Variants in MCRIP2 observed in about 807,000 individuals in gnomAD.
MCRIP2 encodes MAPK regulated corepressor interacting protein 2.
Under a neutral mutation model 23.2 loss-of-function variants are expected in MCRIP2, and 21 were observed. That is an observed-to-expected ratio of 0.90 (90% CI 0.64 to 1.30). The LOEUF (loss-of-function observed/expected upper bound fraction) is 1.30. Ranked by LOEUF, MCRIP2 falls within the 50% of genes most tolerant of loss-of-function variation. The probability of loss-of-function intolerance (pLI) is 0.00; values close to 1 mark genes in which losing one functional copy is unlikely to be tolerated. For missense variants in MCRIP2, 234 were observed against 223.2 expected (o/e 1.05, Z -0.31); for synonymous variants, 121 against 100.2 (o/e 1.21, Z -1.24).
At chr16:642,426 C>T (rs904931835) in intron 2 of MCRIP2, 177 bp downstream of exon 2, 2 of 474,228 alleles carry the variant, frequency 4.2e-6, no homozygotes, top group Non-Finnish European at 6.0e-6. Context: ...GCCCGCGGGC[C>T]TGCGCCTCGC....
rs1596452532 is a variant in MCRIP2 at position 646,601 on chromosome 16, G to A, written c.183-816G>A. The A allele has an allele frequency of 6.6e-6, 1 of 152,176 alleles. No homozygotes were observed. Among genetic ancestry groups the A allele is most frequent in the African/African-American group, 2.4e-5 (1 of 41,434 alleles). 9.4% of individuals were successfully genotyped at this position (152,176 alleles called of 1,614,324 possible). On this transcript the variant is annotated intron_variant, in intron 2 of 4. Transcript: ENST00000307650. This position sits in a 1 kb window ranked among gnomAD's most constrained non-coding sequence, Gnocchi z 6.5. ...CCCAGGACTCCCGGCTCCCACCTCC[G>A]GCTGTAGGTGCGGCCCCATTCCCTC...
At chr16:644,555 CACCTCTCG>C (rs1433910678) in intron 2 of MCRIP2, among the ~76,000 whole-genome samples, 1 of 152,086 alleles carries the variant, frequency 6.6e-6, no homozygotes, top group Non-Finnish European at 1.5e-5. Context: ...GTGATCCTCC[CACCTCTCG>C]ACTTCCTGAG....
rs951043812 is a variant in MCRIP2 at position 648,453 on chromosome 16, C to G, written c.*263C>G. 6 of 541,188 alleles carry G rather than the reference C, an allele frequency of 1.1e-5. No homozygotes were observed. The South Asian group carries it at 1.3e-4, about 12-fold the overall frequency. The allele number at this position is 541,188 out of a possible 1,614,324, so 33.5% of individuals were successfully genotyped here. A position where few individuals can be genotyped will look rare whatever the true frequency, so the allele number is the denominator to read the frequency against. On this transcript the variant is annotated 3_prime_UTR_variant, in exon 5 of 5. Transcript: ENST00000307650. Reference sequence around the variant, plus strand: ...GGGGCTGGCAGGGAGGAGCTCCAGGCTAATAAAGTGGAGAAACTGTCTTTT... The same window carrying G: ...GGGGCTGGCAGGGAGGAGCTCCAGGGTAATAAAGTGGAGAAACTGTCTTTT...
Position 647,437 on chromosome 16 carries a change from TC to T in MCRIP2, c.204del (p.Phe68LeufsTer4). 6.2e-7 allele frequency: 1 copy of T among 1,613,342 alleles called. No homozygotes were observed. Among genetic ancestry groups the T allele is most frequent in the Non-Finnish European group, 8.5e-7 (1 of 1,179,954 alleles). ...TGCAGTCCAGGGCCAAGGCTTGTGT[TC>T]AATCGTGTGAATGGCCGGCGGGCCC... Reference protein sequence around the residue: ...PLSSPGPRLVFNRVNGRRAPS... With the variant: ...PLSSPGPRLVXNRVNGRRAPS... On this transcript the variant is annotated frameshift_variant, in exon 3 of 5. Coordinates refer to ENST00000307650, the MANE Select transcript of MCRIP2 (RefSeq NM_138418.4). LOFTEE classifies it high-confidence loss of function.
Position 648,286 on chromosome 16 carries a change from C to A in MCRIP2, c.*96C>A. On this transcript the variant is annotated 3_prime_UTR_variant, in exon 5 of 5. Coordinates refer to ENST00000307650, the MANE Select transcript of MCRIP2 (RefSeq NM_138418.4). Reference sequence around the variant, plus strand: ...CCACTGCGCCTGGCTGGGTGCCGGCCACACCTGAAGTGCCAGCATTTGGAC... The same window carrying A: ...CCACTGCGCCTGGCTGGGTGCCGGCAACACCTGAAGTGCCAGCATTTGGAC... 1 of 1,241,848 alleles carries A rather than the reference C, an allele frequency of 8.1e-7. No individual in the cohort carries two copies. Among genetic ancestry groups the A allele is most frequent in the Non-Finnish European group, 1.1e-6 (1 of 874,014 alleles). 76.9% of individuals were successfully genotyped at this position (1,241,848 alleles called of 1,614,324 possible).
At position 641,879 on chromosome 16, in the gene MCRIP2, G is replaced by A; in HGVS notation, c.-113G>A. On this transcript the variant is annotated 5_prime_UTR_variant, in exon 1 of 5. Coordinates refer to ENST00000307650, the MANE Select transcript of MCRIP2 (RefSeq NM_138418.4). ...CCGTGCGGGCCCTTTAAGGGCCGGG[G>A]GCGTGTAGCGGGCCCGCCCCCTCCC... The A allele has an allele frequency of 1.0e-6, 1 of 977,910 alleles. No homozygotes were observed. Among genetic ancestry groups the A allele is most frequent in the South Asian group, 4.2e-5 (1 of 23,916 alleles). The allele number at this position is 977,910 out of a possible 1,614,324, so 60.6% of individuals were successfully genotyped here.
At chr16:643,687 G>A (rs2037407282) in intron 2 of MCRIP2, among the ~76,000 whole-genome samples, 1 of 151,720 alleles carries the variant, frequency 6.6e-6, no homozygotes, top group African/African-American at 2.4e-5. Flanking sequence ...TGGGACTACA[G>A]GTGCGTGCCA....
rs926020160 is a variant in MCRIP2 at position 642,203 on chromosome 16, C to T, written c.136C>T (p.Arg46Trp). Residue 46 changes from arginine (R) to tryptophan (W), a missense_variant, in exon 2 of 5, where the codon CGG (arginine) becomes TGG (tryptophan). Arg to Trp is a moderately radical substitution (Grantham distance 101). Transcript: ENST00000307650. ...QPAPPTSQPP[R>W]AQPFAQPPGP... Reference sequence around the variant, plus strand: ...CGCGCCGCCGACCTCGCAGCCCCCGCGGGCGCAGCCCTTTGCGCAGCCGCC... The same window carrying T: ...CGCGCCGCCGACCTCGCAGCCCCCGTGGGCGCAGCCCTTTGCGCAGCCGCC... 8.8e-5 allele frequency: 115 copies of T among 1,312,998 alleles called. 1 individual carries two copies. Among genetic ancestry groups the T allele is most frequent in the Non-Finnish European group, 1.1e-4 (112 of 1,029,238 alleles). 81.3% of individuals were successfully genotyped at this position (1,312,998 alleles called of 1,614,324 possible).
intron 2 of MCRIP2, 153 bp from the exon 3 acceptor site, chr16:647,264 C>T (rs2037506655): frequency 5.7e-6 from 6 of 1,045,468 alleles, no homozygotes; most frequent in Non-Finnish European, 8.2e-6. Context: ...GGGCCACCGG[C>T]TGCTGTGGGT....
At chr16:647,258 C>G in intron 2 of MCRIP2, 159 bp from the exon 3 acceptor site, 1 of 967,260 alleles carries the variant, frequency 1.0e-6, no homozygotes, top group Non-Finnish European at 1.5e-6. Context: ...AGGCCTGGGC[C>G]ACCGGCTGCT....
At chr16:647,065 T>C (rs879272715) in intron 2 of MCRIP2, 6 of 302,276 alleles carry the variant, frequency 2.0e-5, no homozygotes, top group Non-Finnish European at 3.8e-5. Context: ...TCTGGGCTGC[T>C]GATGGGATGC....
Position 642,105 on chromosome 16 carries a change from C to G in MCRIP2, c.53-15C>G. The G allele has an allele frequency of 7.5e-7, 1 of 1,335,726 alleles. No homozygotes were observed. Among genetic ancestry groups the G allele is most frequent in the African/African-American group, 1.5e-5 (1 of 65,040 alleles). 82.7% of individuals were successfully genotyped at this position (1,335,726 alleles called of 1,614,324 possible). ...CGGGGCGCGGCGGCGGCTGACCGCC[C>G]CCCGGTGCCCGCAGGTCCCACGCAG... On this transcript the variant is annotated splice_polypyrimidine_tract_variant and intron_variant, in intron 1 of 4. Transcript: ENST00000307650.
In MCRIP2 at chr16:647,442, C is replaced by T. The variant is rs200129131; in HGVS notation, c.208C>T (p.Arg70Cys). Residue 70 changes from arginine to cysteine, a missense_variant, in exon 3 of 5, where the codon CGT (arginine) becomes TGT (cysteine). Transcript: ENST00000307650. ...SSPGPRLVFN[R>C]VNGRRAPSTS... ...TCCAGGGCCAAGGCTTGTGTTCAAT[C>T]GTGTGAATGGCCGGCGGGCCCCCTC... The T allele has an allele frequency of 2.4e-5, 39 of 1,613,484 alleles. No homozygotes were observed. Among genetic ancestry groups the T allele is most frequent in the East Asian group, 6.7e-5 (3 of 44,870 alleles).
At chr16:647,323 A>T (rs559074645) in intron 2 of MCRIP2, 94 bp from the exon 3 acceptor site, 665 of 1,553,992 alleles carry the variant, frequency 4.3e-4, no homozygotes, top group Non-Finnish European at 5.5e-4. Context: ...AAGTCTGGGG[A>T]AAGTGGGCTG....
chr16:648,308 G>A lies in MCRIP2; in HGVS notation c.*118G>A, dbSNP rs573784049. 9.5e-7 allele frequency: 1 copy of A among 1,057,006 alleles called. No individual in the cohort carries two copies. The highest frequency in any genetic ancestry group is 1.6e-5 in the African/African-American group (1 of 63,444). The allele number at this position is 1,057,006 out of a possible 1,614,324, so 65.5% of individuals were successfully genotyped here. ...GGCCACACCTGAAGTGCCAGCATTTGGACTTTTGCACCTTTTTTTCCCTTG... is the reference window on the plus strand; with the variant it reads ...GGCCACACCTGAAGTGCCAGCATTTAGACTTTTGCACCTTTTTTTCCCTTG... On this transcript the variant is annotated 3_prime_UTR_variant, in exon 5 of 5. Coordinates refer to ENST00000307650, the MANE Select transcript of MCRIP2 (RefSeq NM_138418.4).
chr16:641,949 C>A lies in MCRIP2; in HGVS notation c.-43C>A. 7.7e-7 allele frequency: 1 copy of A among 1,290,546 alleles called. No individual in the cohort carries two copies. Among genetic ancestry groups the A allele is most frequent in the Non-Finnish European group, 9.8e-7 (1 of 1,021,186 alleles). 79.9% of individuals were successfully genotyped at this position (1,290,546 alleles called of 1,614,324 possible). On this transcript the variant is annotated 5_prime_UTR_variant, in exon 1 of 5. Coordinates refer to ENST00000307650, the MANE Select transcript of MCRIP2 (RefSeq NM_138418.4). ...TAAGTGCGAGCCCCGGCGCAGGGGC[C>A]GGATCTGGCCGGGGGCCGGCGGCGG...
intron 4 of MCRIP2, 41 bp downstream of exon 4, chr16:647,925 G>C: frequency 8.5e-7 from 1 of 1,173,342 alleles, no homozygotes; most frequent in Non-Finnish European, 1.2e-6. Context: ...AGACCCCCCA[G>C]CCCCTCTGAT....
intron 2 of MCRIP2, among the ~76,000 whole-genome samples, chr16:643,707 G>A (rs2037407877): frequency 6.6e-6 from 1 of 151,882 alleles, no homozygotes; most frequent in South Asian, 2.1e-4. Context: ...ACCATGCCCG[G>A]CTAATTTTAT....
chr16:645,620 A>G (rs1439052816), intron 2 of MCRIP2: 1 of 152,182 alleles, frequency 6.6e-6, no homozygotes, highest in Non-Finnish European at 1.5e-5. Context: ...AGTAAGATAA[A>G]CTGAGGCGAT....
Sources: allele counts gnomAD v4.1 joint callset (sites outside exome capture counted in the v4.1 genomes callset), GRCh38; gene constraint gnomAD v4.1.1; non-coding constraint Gnocchi (gnomAD v3.1); transcripts MANE v1.5; gene names NCBI Gene and HGNC (gene_info 2026-07-23, HGNC 2026-07-21).